The following NUCKS1 variants were observed in gnomAD, a reference collection of about 807,000 sequenced individuals.
The protein encoded by NUCKS1 is nuclear ubiquitous casein and cyclin-dependent kinase substrate 1.
NUCKS1 carries 2 observed loss-of-function variants against 33.0 expected under a neutral mutation model. The observed-to-expected ratio is 0.06, with a 90% confidence interval of 0.02 to 0.19. NUCKS1 has a LOEUF of 0.19. Ranked by LOEUF, NUCKS1 falls within the 10% of genes least tolerant of loss-of-function variation. NUCKS1 has a pLI of 1.00. For synonymous variants in NUCKS1, 106 were observed against 102.8 expected, an observed-to-expected ratio of 1.03 and a Z score of -0.19; for missense variants, 201 against 293.6, an observed-to-expected ratio of 0.68 and a Z score of 2.31.
chr1:205,720,758 C>A, intron 4 of NUCKS1, 105 bp from the exon 5 acceptor site: 1 of 1,136,600 alleles, frequency 8.8e-7, no homozygotes, highest in Admixed American at 2.6e-5. Flanking sequence ...ACTGAAAAGG[C>A]CAACACAGTG....
intron 1 of NUCKS1, among the ~76,000 whole-genome samples, chr1:205,746,275 A>G (rs1654322943): frequency 6.6e-6 from 1 of 152,210 alleles, no homozygotes; most frequent in Admixed American, 6.5e-5. Flanking sequence ...CGCCTGGGCA[A>G]CAAGAGGGAA....
chr1:205,737,784 A>C (rs1654066018), intron 1 of NUCKS1, among the ~76,000 whole-genome samples: 1 of 152,280 alleles, frequency 6.6e-6, no homozygotes, highest in African/African-American at 2.4e-5. Flanking sequence ...AATCAAAAGT[A>C]TTTTAAAAGT....
In NUCKS1 at chr1:205,750,026, C is replaced by CA. The variant is rs767414011; in HGVS notation, c.-54dup. The CA allele has an allele frequency of 2.3e-5, 23 of 1,004,708 alleles. No homozygotes were observed. Among genetic ancestry groups the CA allele is most frequent in the Admixed American group, 6.8e-5 (3 of 43,942 alleles). The allele number at this position is 1,004,708 out of a possible 1,614,324, so 62.2% of individuals were successfully genotyped here. A position where few individuals can be genotyped will look rare whatever the true frequency, so the allele number is the denominator to read the frequency against. On this transcript the variant is annotated 5_prime_UTR_variant, in exon 1 of 7. Transcript: ENST00000367142. ...AGAAGCCAAAGACCAGGACCCCCCCCACCCCGCGCGCTCGGCGCCCCACCC... is the reference window on the plus strand; with the variant it reads ...AGAAGCCAAAGACCAGGACCCCCCCCAACCCCGCGCGCTCGGCGCCCCACCC...
At chr1:205,748,791 G>A (rs1213982610) in intron 1 of NUCKS1, among the ~76,000 whole-genome samples, 1 of 152,200 alleles carries the variant, frequency 6.6e-6, no homozygotes, top group Non-Finnish European at 1.5e-5. Context: ...GGGAAGCAAC[G>A]ACTGTTAAAA....
rs189623283 is a variant in NUCKS1 at position 205,718,503 on chromosome 1, G to C, written c.533-24C>G. 1.5e-4 allele frequency: 235 copies of C among 1,598,076 alleles called. 4 individuals carry two copies. The Admixed American group carries it at 2.2e-3, about 15-fold the overall frequency. On this transcript the variant is annotated intron_variant, in intron 6 of 6. Coordinates refer to ENST00000367142, the MANE Select transcript of NUCKS1 (RefSeq NM_022731.5). Reference sequence around the variant, plus strand: ...CACTGAAAATAGAAAAATAATTTGGGGAAGGGAAGAGAAAAAAATGTCTTT... The same window carrying C: ...CACTGAAAATAGAAAAATAATTTGGCGAAGGGAAGAGAAAAAAATGTCTTT...
At position 205,718,316 on chromosome 1, in the gene NUCKS1, T is replaced by A. The variant is rs776501016; in HGVS notation, c.696A>T (p.Glu232Asp). ...TSPPPEKSGD[E>D]GSEDEAPSGE... ...CAGAAGGGGCTTCATCTTCAGACCC[T>A]TCATCCCCAGATTTCTCGGGTGGGG... Residue 232 changes from glutamate (E) to aspartate (D), a missense_variant, in exon 7 of 7, where the codon GAA becomes GAT. Physicochemically the swap from Glu to Asp is conservative, Grantham distance 45 (BLOSUM62 2). Transcript: ENST00000367142. The A allele has an allele frequency of 5.6e-6, 9 of 1,613,418 alleles. No individual in the cohort carries two copies. Among genetic ancestry groups the A allele is most frequent in the Non-Finnish European group, 7.6e-6 (9 of 1,179,906 alleles).
At chr1:205,749,788 C>T (rs1352302553) in intron 1 of NUCKS1, among the ~76,000 whole-genome samples, 169 bp downstream of exon 1, 3 of 151,308 alleles carry the variant, frequency 2.0e-5, no homozygotes, top group Non-Finnish European at 4.4e-5. Flanking sequence ...GCCACCACCC[C>T]CGCGCGCCAG....
intron 2 of NUCKS1, among the ~76,000 whole-genome samples, chr1:205,728,482 A>G (rs1241788784): frequency 2.0e-5 from 3 of 152,236 alleles, no homozygotes; most frequent in East Asian, 3.8e-4. Context: ...GATACTCAAA[A>G]TAGAAATAAT....
At chr1:205,749,651 C>T (rs1484639355) in intron 1 of NUCKS1, among the ~76,000 whole-genome samples, 4 of 152,090 alleles carry the variant, frequency 2.6e-5, no homozygotes, top group Non-Finnish European at 4.4e-5. Context: ...TCACACCCCT[C>T]CCCCTCCGGC....
At position 205,719,514 on chromosome 1, in the gene NUCKS1, C is replaced by A; in HGVS notation, c.532+13G>T. On this transcript the variant is annotated intron_variant, in intron 6 of 6. Transcript: ENST00000367142. Reference sequence around the variant, plus strand: ...TAAAGCAGTAAATTTAATTTCACTTCTGCAGAAATTACCTGTAGCCTTTAG... The same window carrying A: ...TAAAGCAGTAAATTTAATTTCACTTATGCAGAAATTACCTGTAGCCTTTAG... The A allele has an allele frequency of 6.3e-7, 1 of 1,577,458 alleles. No homozygotes were observed. The highest frequency in any genetic ancestry group is 8.6e-7 in the Non-Finnish European group (1 of 1,169,176).
At chr1:205,722,419 G>A (rs1210477931) in intron 4 of NUCKS1, among the ~76,000 whole-genome samples, 1 of 152,150 alleles carries the variant, frequency 6.6e-6, no homozygotes, top group Non-Finnish European at 1.5e-5. Context: ...ACCACACCCG[G>A]CTAATTTTTT....
rs1571567984 is a variant in NUCKS1, at chr1:205,718,137, T to C, written c.*143A>G. Reference sequence around the variant, plus strand: ...AGAGAGAAATGTTACTTTCAACAAATGGAAAAAAGCACTGAAAGCCCATGA... The same window carrying C: ...AGAGAGAAATGTTACTTTCAACAAACGGAAAAAAGCACTGAAAGCCCATGA... On this transcript the variant is annotated 3_prime_UTR_variant, in exon 7 of 7. Transcript: ENST00000367142. The C allele has an allele frequency of 7.9e-7, 1 of 1,273,268 alleles. No homozygotes were observed. The highest frequency in any genetic ancestry group is 1.6e-5 in the African/African-American group (1 of 63,794). The allele number at this position is 1,273,268 out of a possible 1,614,324, so 78.9% of individuals were successfully genotyped here.
At chr1:205,733,955 G>C (rs999364006) in intron 1 of NUCKS1, among the ~76,000 whole-genome samples, 1 of 152,120 alleles carries the variant, frequency 6.6e-6, no homozygotes, top group Non-Finnish European at 1.5e-5. Context: ...GCTCACTGCA[G>C]TCTCCAACTC....
intron 1 of NUCKS1, among the ~76,000 whole-genome samples, chr1:205,748,728 C>T (rs1434013603): frequency 6.6e-6 from 1 of 152,196 alleles, no homozygotes; most frequent in Non-Finnish European, 1.5e-5. Context: ...CCAAACCTCT[C>T]TTTAGAACTC....
In NUCKS1 at chr1:205,714,327, CT is replaced by C. The variant is rs764894816; in HGVS notation, c.*3952del. ...AATCTAGAAAACCCTCCCTTCACCCCTGATGTACAAAGTGTATGCACAACGG... is the reference window on the plus strand; with the variant it reads ...AATCTAGAAAACCCTCCCTTCACCCCGATGTACAAAGTGTATGCACAACGG... On this transcript the variant is annotated 3_prime_UTR_variant, in exon 7 of 7. Transcript: ENST00000367142. The C allele has an allele frequency of 6.6e-6, 1 of 152,092 alleles. No individual in the cohort carries two copies. Among genetic ancestry groups the C allele is most frequent in the East Asian group, 1.9e-4 (1 of 5,192 alleles). 9.4% of individuals were successfully genotyped at this position (152,092 alleles called of 1,614,324 possible).
intron 1 of NUCKS1, among the ~76,000 whole-genome samples, chr1:205,748,402 C>G (rs1006997246): frequency 2.0e-5 from 3 of 152,140 alleles, no homozygotes; most frequent in African/African-American, 7.2e-5. Context: ...TAAAATAAAT[C>G]TTTATTTTAT....
chr1:205,743,467 C>G (rs929247160), intron 1 of NUCKS1, among the ~76,000 whole-genome samples: 1 of 152,202 alleles, frequency 6.6e-6, no homozygotes, highest in African/African-American at 2.4e-5. Flanking sequence ...AAAAACTCAA[C>G]CACTTAACCT....
At chr1:205,732,779 C>CAAAAAAAAAAAAAAAAAAAAAAAAA (rs59760552) in intron 1 of NUCKS1, among the ~76,000 whole-genome samples, 7 of 73,996 alleles carry the variant, frequency 9.5e-5, no homozygotes, top group Admixed American at 1.8e-4. Flanking sequence ...GACTCTGTCT[C>CAAAAAAAAAAAAAAAAAAAAAAAAA]AAAAAAAAAA....
At position 205,718,025 on chromosome 1, in the gene NUCKS1, G is replaced by C; in HGVS notation, c.*255C>G. The C allele has an allele frequency of 2.7e-6, 3 of 1,107,918 alleles. No individual in the cohort carries two copies. The highest frequency in any genetic ancestry group is 1.1e-6 in the Non-Finnish European group (1 of 912,672). The allele number at this position is 1,107,918 out of a possible 1,614,324, so 68.6% of individuals were successfully genotyped here. A position where few individuals can be genotyped will look rare whatever the true frequency, so the allele number is the denominator to read the frequency against. ...GCTTTCATTGGGAAAGGGGAGGGCTGGCAAAGAGACCAATAGACAAAAAGG... is the reference window on the plus strand; with the variant it reads ...GCTTTCATTGGGAAAGGGGAGGGCTCGCAAAGAGACCAATAGACAAAAAGG... On this transcript the variant is annotated 3_prime_UTR_variant, in exon 7 of 7. Transcript: ENST00000367142.
Sources: gnomAD v4.1 joint callset for allele counts (sites outside exome capture counted in the v4.1 genomes callset) on GRCh38, gnomAD v4.1.1 for gene constraint, MANE v1.5 for transcripts, NCBI Gene and HGNC (gene_info 2026-07-23, HGNC 2026-07-21) for gene names.